Variants in SAR1A observed in about 807,000 individuals in gnomAD.
SAR1A encodes the protein small COPII coat GTPase SAR1A.
A neutral mutation model predicts 22.6 loss-of-function variants in SAR1A; 6 were observed. The ratio of observed to expected loss-of-function variants is 0.27; its 90% CI spans 0.15 to 0.52. The LOEUF is 0.52. SAR1A is among the 20% of genes least tolerant of loss of function. The pLI is 0.96. For synonymous variants in SAR1A, 70 were observed against 82.2 expected, an observed-to-expected ratio of 0.85 and a Z score of 0.80; for missense variants, 145 against 245.1, an observed-to-expected ratio of 0.59 and a Z score of 2.73.
intron 4 of SAR1A, among the ~76,000 whole-genome samples, chr10:70,158,455 C>T (rs2136713772): frequency 6.6e-6 from 1 of 152,330 alleles, no homozygotes; most frequent in South Asian, 2.1e-4. Context: ...GTTATCTCAA[C>T]CTACCATATT....
Position 70,156,674 on chromosome 10 carries a change from A to T in SAR1A, c.348+1090T>A, listed in dbSNP as rs1294571223. 2.2e-5 allele frequency among the ~76,000 whole-genome samples: 3 copies of T among 138,446 alleles called. No individual in the cohort carries two copies. In the East Asian group the frequency reaches 6.6e-4, roughly 30 times the overall value. 90.8% of individuals were successfully genotyped at this position (138,446 alleles called of 152,430 possible). On this transcript the variant is annotated intron_variant, in intron 5 of 6. Transcript: ENST00000373241. ...GGCCACAGAGGAAGATTCTGTTTAA[A>T]AAAAAAAAAAAAAAGCAAGGTAAAG...
At chr10:70,153,235 TTCTC>T (rs1428383587) in intron 6 of SAR1A, among the ~76,000 whole-genome samples, 2 of 152,224 alleles carry the variant, frequency 1.3e-5, no homozygotes, top group Non-Finnish European at 2.9e-5. Flanking sequence ...GATCTAGATT[TTCTC>T]TCTCTCAAGC....
chr10:70,163,509 T>G (rs1839503540), intron 1 of SAR1A, among the ~76,000 whole-genome samples: 1 of 152,220 alleles, frequency 6.6e-6, no homozygotes, highest in East Asian at 1.9e-4. Flanking sequence ...TTTACCATTC[T>G]GAAAATCCTA....
chr10:70,163,011 T>C (rs1839496406), intron 1 of SAR1A: 1 of 152,130 alleles, frequency 6.6e-6, no homozygotes, highest in African/African-American at 2.4e-5. Context: ...GCCTCCCTAT[T>C]CTCCAAGTGA....
chr10:70,166,541 T>C (rs1839553683), intron 1 of SAR1A, among the ~76,000 whole-genome samples: 1 of 152,196 alleles, frequency 6.6e-6, no homozygotes, highest in African/African-American at 2.4e-5. Context: ...GTTATCTCAA[T>C]ATTTAATCAT....
At chr10:70,165,948 C>G (rs899848270) in intron 1 of SAR1A, among the ~76,000 whole-genome samples, 1 of 152,234 alleles carries the variant, frequency 6.6e-6, no homozygotes, top group African/African-American at 2.4e-5. Context: ...CAATCATCAA[C>G]CTGATCAGTC....
rs1372064833 is a variant in SAR1A, at chr10:70,151,557, G to GT, written c.*918dup. The GT allele has an allele frequency of 1.3e-5, 2 of 152,564 alleles. No individual in the cohort carries two copies. The highest frequency in any genetic ancestry group is 2.9e-5 in the Non-Finnish European group (2 of 68,026). 9.5% of individuals were successfully genotyped at this position (152,564 alleles called of 1,614,324 possible). On this transcript the variant is annotated 3_prime_UTR_variant, in exon 7 of 7. Transcript: ENST00000373241. ...ATGTCCCCCTAGAATCTGTGCAAAAGTAACTGATGCACCTGCAGTATGTGA... is the reference window on the plus strand; with the variant it reads ...ATGTCCCCCTAGAATCTGTGCAAAAGTTAACTGATGCACCTGCAGTATGTGA...
At chr10:70,158,526 G>A (rs1202083809) in intron 4 of SAR1A, among the ~76,000 whole-genome samples, 1 of 152,084 alleles carries the variant, frequency 6.6e-6, no homozygotes, top group African/African-American at 2.4e-5. Flanking sequence ...AACGATAAAG[G>A]CTGGGAAGCA....
intron 4 of SAR1A, among the ~76,000 whole-genome samples, chr10:70,159,083 A>G (rs1245239623): frequency 6.6e-6 from 1 of 152,214 alleles, no homozygotes; most frequent in East Asian, 1.9e-4. Flanking sequence ...TTGTGGAAGC[A>G]GCAGAAAGGA....
intron 1 of SAR1A, among the ~76,000 whole-genome samples, chr10:70,168,553 T>C (rs1254024452): frequency 1.3e-5 from 2 of 151,922 alleles, no homozygotes; most frequent in Admixed American, 6.6e-5. Flanking sequence ...GGTCATGACA[T>C]TGCACTCCAG....
intron 4 of SAR1A, among the ~76,000 whole-genome samples, chr10:70,159,531 C>CA (rs1358733296): frequency 6.6e-6 from 1 of 151,788 alleles, no homozygotes; most frequent in Non-Finnish European, 1.5e-5. Context: ...CCAGTCTCTA[C>CA]AAAAAACAGG....
chr10:70,169,538 G>A (rs1839597498), intron 1 of SAR1A, among the ~76,000 whole-genome samples: 2 of 152,164 alleles, frequency 1.3e-5, no homozygotes, highest in African/African-American at 4.8e-5. Flanking sequence ...TCAAACAAAT[G>A]TTAATAGAAA....
intron 1 of SAR1A, among the ~76,000 whole-genome samples, chr10:70,169,909 G>A (rs1272472657): frequency 6.6e-6 from 1 of 152,198 alleles, no homozygotes; most frequent in African/African-American, 2.4e-5. Context: ...GGTTCGACCC[G>A]GGCCATCGGA....
At position 70,150,009 on chromosome 10, in the gene SAR1A, A is replaced by G. The variant is rs1336267413; in HGVS notation, c.*2467T>C. ...TCCACAGCATGTTCCAAATCTCTCA[A>G]GTAGTACTAAATCTATTACTTCTAG... On this transcript the variant is annotated 3_prime_UTR_variant, in exon 7 of 7. Transcript: ENST00000373241. The G allele has an allele frequency of 6.6e-6, 1 of 152,150 alleles. No homozygotes were observed. The highest frequency in any genetic ancestry group is 1.5e-5 in the Non-Finnish European group (1 of 68,030). The allele number at this position is 152,150 out of a possible 1,614,324, so 9.4% of individuals were successfully genotyped here.
At chr10:70,160,879 A>G (rs1359020817) in intron 4 of SAR1A, 125 bp downstream of exon 4, 4 of 647,744 alleles carry the variant, frequency 6.2e-6, no homozygotes, top group Non-Finnish European at 1.1e-5. Context: ...CACTAAAGTA[A>G]TAAGATCCTA....
rs772447476 is a variant in SAR1A, at chr10:70,160,979, T to C, written c.244+25A>G. 3 of 1,570,534 alleles carry C rather than the reference T, an allele frequency of 1.9e-6. No homozygotes were observed. In the East Asian group the frequency reaches 6.9e-5, roughly 36 times the overall value. On this transcript the variant is annotated intron_variant, in intron 4 of 6. Coordinates refer to ENST00000373241, the MANE Select transcript of SAR1A (RefSeq NM_020150.5). ...CACAAAAAAAATAAGTCAATAAACA[T>C]GCTTTCCACTGAGTCATCACTTACC...
chr10:70,153,119 T>C (rs1182539035), intron 6 of SAR1A, among the ~76,000 whole-genome samples: 2 of 152,212 alleles, frequency 1.3e-5, no homozygotes, highest in Non-Finnish European at 2.9e-5. Context: ...TAAGGAACCA[T>C]GTAAAAAAGT....
chr10:70,152,400 T>G lies in SAR1A; in HGVS notation c.*76A>C, dbSNP rs1171752363. Reference sequence around the variant, plus strand: ...GGTTGGAGAGCTTTCCTTGTTCTATTAGAAAAGTTCATGAGGAAGCTGTGA... The same window carrying G: ...GGTTGGAGAGCTTTCCTTGTTCTATGAGAAAAGTTCATGAGGAAGCTGTGA... On this transcript the variant is annotated 3_prime_UTR_variant, in exon 7 of 7. Transcript: ENST00000373241. The G allele has an allele frequency of 6.7e-6, 8 of 1,194,246 alleles. No individual in the cohort carries two copies. The highest frequency in any genetic ancestry group is 1.9e-4 in the Middle Eastern group (1 of 5,242). 74.0% of individuals were successfully genotyped at this position (1,194,246 alleles called of 1,614,324 possible).
At chr10:70,154,466 G>A (rs1839362238) in intron 5 of SAR1A, among the ~76,000 whole-genome samples, 3 of 150,252 alleles carry the variant, frequency 2.0e-5, no homozygotes, top group Admixed American at 6.6e-5. Context: ...GCACATTCCT[G>A]TCCTCAAAAA....
Sources: gnomAD v4.1 joint callset for allele counts (sites outside exome capture counted in the v4.1 genomes callset) on GRCh38, gnomAD v4.1.1 for gene constraint, MANE v1.5 for transcripts, NCBI Gene and HGNC (gene_info 2026-07-23, HGNC 2026-07-21) for gene names.